DENND6A: variants seen among roughly 807,000 people sequenced by gnomAD.
DENND6A encodes the protein protein DENND6A.
In DENND6A, 43 loss-of-function variants were observed where a neutral mutation model predicts 95.5. The ratio of observed to expected loss-of-function variants is 0.45; its 90% CI spans 0.35 to 0.58. The LOEUF (loss-of-function observed/expected upper bound fraction) is 0.58, where lower values mean the gene tolerates loss of function less well. Ranked by LOEUF, DENND6A falls within the 20% of genes least tolerant of loss-of-function variation. The pLI, the probability that DENND6A is intolerant of heterozygous loss-of-function variation, is 0.00. For synonymous variants in DENND6A, 257 were observed against 260.4 expected (o/e 0.99, Z 0.13); for missense variants, 574 against 736.0 (o/e 0.78, Z 2.55).
intron 1 of DENND6A, among the ~76,000 whole-genome samples, chr3:57,675,744 A>G (rs567337719): frequency 2.6e-5 from 4 of 152,194 alleles, no homozygotes; most frequent in Non-Finnish European, 5.9e-5. Context: ...ACCAAACTCT[A>G]TGTTATAACC....
chr3:57,628,921 A>C (rs2070594686), intron 18 of DENND6A, 36 bp from the exon 19 acceptor site: 6 of 1,574,160 alleles, frequency 3.8e-6, no homozygotes, highest in South Asian at 2.3e-5. Context: ...GTAAGTTCTC[A>C]AAATAATATT....
rs1178685398 is a variant in DENND6A at position 57,692,954 on chromosome 3, G to A, written c.65C>T (p.Ala22Val). 3 of 1,547,938 alleles carry A rather than the reference G, an allele frequency of 1.9e-6. No individual in the cohort carries two copies. In the East Asian group the frequency reaches 7.5e-5, roughly 39 times the overall value. Residue 22 changes from alanine to valine, a missense_variant, in exon 1 of 20, where the codon GCA (alanine) becomes GTA (valine). Coordinates refer to ENST00000311128, the MANE Select transcript of DENND6A (RefSeq NM_152678.3). ...GSRRPLDEAVAGAEGREAPAL... is the reference protein window; with the variant it reads ...GSRRPLDEAVVGAEGREAPAL... ...CGGCGCCTCGCGGCCCTCGGCCCCT[G>A]CCACCGCTTCGTCCAACGGCCTTCG... is the stretch of plus-strand genomic sequence containing the variant.
At chr3:57,673,395 A>G (rs1326874291) in intron 1 of DENND6A, among the ~76,000 whole-genome samples, 1 of 152,078 alleles carries the variant, frequency 6.6e-6, no homozygotes, top group Non-Finnish European at 1.5e-5. Flanking sequence ...AAATAGAATA[A>G]TGATGGTAAG....
chr3:57,692,716 C>A, intron 1 of DENND6A, 66 bp downstream of exon 1: 1 of 1,355,664 alleles, frequency 7.4e-7, no homozygotes, highest in Non-Finnish European at 9.5e-7. Context: ...CCGCGGGCCG[C>A]TGGCTTTGCT....
chr3:57,635,660 C>G lies in DENND6A; in HGVS notation c.1133-891G>C, dbSNP rs568081026. Among the ~76,000 whole-genome samples the G allele has an allele frequency of 5.9e-4, 90 of 152,222 alleles. No individual in the cohort carries two copies. The Middle Eastern group carries it at 0.01, about 17-fold the overall frequency. The stretch of plus-strand genomic sequence containing the variant: ...GATCAAACTGCTAATTGTGGTATAT[C>G]TGGGGGTGAGATTTTAAGAACAAGG... On this transcript the variant is annotated intron_variant, in intron 12 of 19. Coordinates refer to ENST00000311128, the MANE Select transcript of DENND6A (RefSeq NM_152678.3).
At chr3:57,657,847 AT>A (rs1359920630) in intron 8 of DENND6A, 112 bp from the exon 9 acceptor site, 2 of 619,284 alleles carry the variant, frequency 3.2e-6, no homozygotes, top group Non-Finnish European at 5.6e-6. Context: ...AACTTTTAAG[AT>A]TCTCTTCCTT....
At chr3:57,679,610 C>CTAATTA (rs2077143158) in intron 1 of DENND6A, 2 of 969,616 alleles carry the variant, frequency 2.1e-6, no homozygotes, top group Non-Finnish European at 2.5e-6. Flanking sequence ...TTAGATGTGT[C>CTAATTA]CTTGTGGGAA....
intron 1 of DENND6A, among the ~76,000 whole-genome samples, chr3:57,686,502 G>C (rs2077212829): frequency 6.6e-6 from 1 of 152,014 alleles, no homozygotes; most frequent in African/African-American, 2.4e-5. Context: ...ACAAATTACA[G>C]GTTTGTGGCA....
intron 9 of DENND6A, among the ~76,000 whole-genome samples, chr3:57,649,606 C>G (rs2071152657): frequency 6.6e-6 from 1 of 150,640 alleles, no homozygotes; most frequent in African/African-American, 2.4e-5. Flanking sequence ...TGGAACAAGC[C>G]CAAATGCCCA....
intron 1 of DENND6A, among the ~76,000 whole-genome samples, chr3:57,681,551 G>T (rs1209043306): frequency 6.7e-6 from 1 of 150,212 alleles, no homozygotes; most frequent in Admixed American, 6.7e-5. Flanking sequence ...TTGAGCCCAG[G>T]AGGTCAATGC....
intron 1 of DENND6A, among the ~76,000 whole-genome samples, chr3:57,686,555 T>C (rs776869203): frequency 6.6e-6 from 1 of 152,240 alleles, no homozygotes; most frequent in Non-Finnish European, 1.5e-5. Context: ...TTTCCAACAA[T>C]GTGTTCACTT....
At chr3:57,666,478 T>A (rs1366119268) in intron 3 of DENND6A, among the ~76,000 whole-genome samples, 1 of 152,228 alleles carries the variant, frequency 6.6e-6, no homozygotes, top group Non-Finnish European at 1.5e-5. Flanking sequence ...ATTTTTCCTA[T>A]TCCATATCCC....
chr3:57,645,847 C>T (rs2071068861), intron 10 of DENND6A, 91 bp from the exon 11 acceptor site: 1 of 828,942 alleles, frequency 1.2e-6, no homozygotes, highest in South Asian at 1.7e-5. Context: ...ACGGTATACA[C>T]ACAAAGGGAT....
chr3:57,640,423 T>C (rs2070903503), intron 12 of DENND6A, among the ~76,000 whole-genome samples: 1 of 151,602 alleles, frequency 6.6e-6, no homozygotes. Flanking sequence ...CAAAACCCCG[T>C]CTCTATTAAA....
At chr3:57,660,089 T>C (rs2071395116) in intron 7 of DENND6A, among the ~76,000 whole-genome samples, 1 of 152,096 alleles carries the variant, frequency 6.6e-6, no homozygotes, top group Non-Finnish European at 1.5e-5. Flanking sequence ...TATTGCAATA[T>C]CTCTATAATG....
rs1356963824 is a variant in DENND6A, at chr3:57,645,710, T to C, written c.988A>G (p.Thr330Ala). 6.2e-7 allele frequency: 1 copy of C among 1,613,304 alleles called. No homozygotes were observed. The highest frequency in any genetic ancestry group is 8.5e-7 in the Non-Finnish European group (1 of 1,179,698). ...KYFSDFRPYF[T>A]IHDSEFKEYT... ...TCTTTGAATTCACTATCATGAATAG[T>C]GAAATAAGGTCGGAAATCACTGAAG... Residue 330 changes from threonine to alanine, a missense_variant, in exon 11 of 20, where the codon ACT becomes GCT. By Grantham distance (58) the Thr-to-Ala change is moderately conservative. Coordinates refer to ENST00000311128, the MANE Select transcript of DENND6A (RefSeq NM_152678.3).
chr3:57,670,368 T>C (rs2071595894), intron 3 of DENND6A, among the ~76,000 whole-genome samples: 1 of 152,148 alleles, frequency 6.6e-6, no homozygotes, highest in African/African-American at 2.4e-5. Flanking sequence ...GAAACTAAAA[T>C]GCAGACAAAG....
chr3:57,682,314 T>C (rs1001127149), intron 1 of DENND6A, among the ~76,000 whole-genome samples: 2 of 143,212 alleles, frequency 1.4e-5, no homozygotes, highest in Non-Finnish European at 3.0e-5. Context: ...AAAAAAATTA[T>C]ATTCTGTTCT....
chr3:57,686,074 A>G (rs1275438424), intron 1 of DENND6A, among the ~76,000 whole-genome samples: 1 of 152,238 alleles, frequency 6.6e-6, no homozygotes, highest in African/African-American at 2.4e-5. Flanking sequence ...AATGCCCCAG[A>G]TGATTCTTAT....
Sources: gnomAD v4.1 joint callset for allele counts (sites outside exome capture counted in the v4.1 genomes callset) on GRCh38, gnomAD v4.1.1 for gene constraint, MANE v1.5 for transcripts, NCBI Gene and HGNC (gene_info 2026-07-23, HGNC 2026-07-21) for gene names.